The following STARD8 variants were observed in gnomAD, a reference collection of about 807,000 sequenced individuals.
The protein encoded by STARD8 is StAR related lipid transfer domain containing 8.
STARD8 carries 25 observed loss-of-function variants against 69.4 expected under a neutral mutation model. The observed-to-expected ratio is 0.36, with a 90% CI of 0.26 to 0.50. The LOEUF is 0.50. STARD8 is among the 20% of genes least tolerant of loss of function. The pLI, the probability that STARD8 is intolerant of heterozygous loss-of-function variation, is 0.96. For synonymous variants in STARD8, 389 were observed against 374.6 expected (o/e 1.04, Z -0.45); for missense variants, 921 against 932.5 (o/e 0.99, Z 0.16).
intron 2 of STARD8, among the ~76,000 whole-genome samples, chrX:68,690,144 C>T (rs758791479): frequency 4.5e-5 from 5 of 110,219 alleles, no homozygotes; most frequent in African/African-American, 1.7e-4. Context: ...TTGAGGCATG[C>T]GGGAATGTGC....
intron 7 of STARD8, among the ~76,000 whole-genome samples, chrX:68,719,698 A>G (rs779676893): frequency 8.9e-6 from 1 of 112,058 alleles, no homozygotes; most frequent in South Asian, 3.8e-4. Context: ...CATTGTCCAG[A>G]TTCCCTCCCA....
intron 1 of STARD8, among the ~76,000 whole-genome samples, chrX:68,654,715 G>T (rs1055362723): frequency 1.4e-4 from 16 of 110,753 alleles, no homozygotes; most frequent in African/African-American, 5.0e-4. Context: ...CACACCCCCT[G>T]TGCAGGCTCA....
At chrX:68,724,219 T>C (rs376305790) in intron 14 of STARD8, 86 bp from the exon 15 acceptor site, 4 of 1,168,771 alleles carry the variant, frequency 3.4e-6, no homozygotes, top group East Asian at 3.0e-5. Flanking sequence ...TCCCTGGGGC[T>C]GGGGACAAGT....
intron 2 of STARD8, among the ~76,000 whole-genome samples, chrX:68,687,866 C>T (rs1163578668): frequency 1.8e-5 from 2 of 112,361 alleles, no homozygotes; most frequent in African/African-American, 6.5e-5. Flanking sequence ...GACCTGGCTA[C>T]CCACCTGCCT....
At chrX:68,709,838 A>C (rs1279243397) in intron 2 of STARD8, among the ~76,000 whole-genome samples, 4 of 110,097 alleles carry the variant, frequency 3.6e-5, no homozygotes, top group Non-Finnish European at 7.6e-5. Flanking sequence ...GAAAAAAAAA[A>C]CCCATAAACA....
chrX:68,688,114 A>G lies in STARD8; in HGVS notation c.79+22582A>G, dbSNP rs746282700. Reference sequence around the variant, plus strand: ...CAGAACTCCTGCTTAGTAAGTGTGTATGTATGGAGGGGAAAGGGGGGAGCT... The same window carrying G: ...CAGAACTCCTGCTTAGTAAGTGTGTGTGTATGGAGGGGAAAGGGGGGAGCT... On this transcript the variant is annotated intron_variant, in intron 2 of 14. Transcript: ENST00000374599. Among the ~76,000 whole-genome samples the G allele has an allele frequency of 3.7e-3, 415 of 112,398 alleles. 3 individuals carry two copies. Among genetic ancestry groups the G allele is most frequent in the African/African-American group, 9.5e-3 (293 of 30,961 alleles).
chrX:68,697,384 C>T (rs908836328), intron 2 of STARD8, among the ~76,000 whole-genome samples: 7 of 111,979 alleles, frequency 6.3e-5, no homozygotes, highest in Admixed American at 2.8e-4. Flanking sequence ...AGATGTTAGC[C>T]GCCTCTAGGG....
intron 2 of STARD8, among the ~76,000 whole-genome samples, chrX:68,695,798 A>G (rs1365519229): frequency 8.9e-6 from 1 of 111,806 alleles, no homozygotes; most frequent in Non-Finnish European, 1.9e-5. Context: ...AAATTCCATT[A>G]TTGGGACTAC....
intron 2 of STARD8, among the ~76,000 whole-genome samples, chrX:68,684,637 G>C (rs1299175265): frequency 8.8e-6 from 1 of 113,087 alleles, no homozygotes; most frequent in Non-Finnish European, 1.9e-5. Context: ...GGTGGCAGCA[G>C]AAAGCTGGGC....
chrX:68,660,885 T>C (rs2079640095), intron 1 of STARD8, among the ~76,000 whole-genome samples: 1 of 111,985 alleles, frequency 8.9e-6, no homozygotes, highest in South Asian at 3.7e-4. Flanking sequence ...AGGATAGGCC[T>C]GGGGGCGGTG....
chrX:68,688,878 G>A (rs1411559525), intron 2 of STARD8, among the ~76,000 whole-genome samples: 71 of 106,376 alleles, frequency 6.7e-4, no homozygotes, highest in Non-Finnish European at 1.1e-3. Flanking sequence ...GTGCATGCTG[G>A]ACTTGCAGAT....
rs757658418 is a variant in STARD8 at position 68,721,559 on chromosome X, G to A, written c.2272G>A (p.Ala758Thr). The A allele has an allele frequency of 1.2e-5, 14 of 1,210,183 alleles. No individual in the cohort carries two copies. The African/African-American group carries it at 2.1e-4, about 18-fold the overall frequency. ...YQLLPKDQWL[A>T]AAQAATLLLP... ...AGTCCTCCCCAAGGATCAGTGGTTG[G>A]CAGCAGCACAAGCCGCCACCTTGCT... Residue 758 changes from alanine (A) to threonine (T), a missense_variant, in exon 10 of 15, where the codon GCA becomes ACA. By Grantham distance (58) the Ala-to-Thr change is moderately conservative. Transcript: ENST00000374599.
chrX:68,690,538 G>A lies in STARD8; in HGVS notation c.80-22376G>A, dbSNP rs747751519. 9.9e-5 allele frequency among the ~76,000 whole-genome samples: 11 copies of A among 111,402 alleles called. No homozygotes were observed. In the South Asian group the frequency reaches 2.3e-3, roughly 23 times the overall value. ...ATATGGAACTGCTCTTTGCCACAGC[G>A]TAGGAGAAAAGGGCTGATAGGTCCC... On this transcript the variant is annotated intron_variant, in intron 2 of 14. Transcript: ENST00000374599.
At chrX:68,714,451 G>A (rs373940149) in intron 3 of STARD8, among the ~76,000 whole-genome samples, 1 of 111,810 alleles carries the variant, frequency 8.9e-6, no homozygotes, top group Non-Finnish European at 1.9e-5. Flanking sequence ...GACTCAGCTC[G>A]GATGTCACTG....
At chrX:68,676,241 G>A (rs145285092) in intron 2 of STARD8, among the ~76,000 whole-genome samples, 3 of 111,802 alleles carry the variant, frequency 2.7e-5, no homozygotes, top group Admixed American at 1.9e-4. Flanking sequence ...CCTTCTGTAC[G>A]TGTCTGTGTC....
chrX:68,700,600 G>A, intron 2 of STARD8, among the ~76,000 whole-genome samples: 1 of 112,547 alleles, frequency 8.9e-6, no homozygotes, highest in Non-Finnish European at 1.9e-5. Flanking sequence ...TGTGAGATAG[G>A]CACCTGCAGC....
chrX:68,717,582 G>A lies in STARD8; in HGVS notation c.668G>A (p.Gly223Asp). 8.3e-7 allele frequency: 1 copy of A among 1,211,656 alleles called. No individual in the cohort carries two copies. The highest frequency in any genetic ancestry group is 1.1e-6 in the Non-Finnish European group (1 of 895,548). ...LESLRRKEKS[G>D]SQQAEPKHSP... ...TCTCTGAGGCGGAAGGAAAAGAGTG[G>A]CAGCCAGCAAGCAGAGCCCAAGCAT... is the stretch of plus-strand genomic sequence containing the variant. The change falls in exon 6 of 15, where the codon GGC becomes GAC. Residue 223 changes from glycine to aspartate, a missense_variant. Transcript: ENST00000374599.
At chrX:68,710,987 C>G (rs1210286266) in intron 2 of STARD8, among the ~76,000 whole-genome samples, 1 of 112,209 alleles carries the variant, frequency 8.9e-6, no homozygotes, top group Admixed American at 9.4e-5. Context: ...AACCATGTTC[C>G]TCACAGGCTC....
At chrX:68,719,136 A>G (rs2080124125) in intron 6 of STARD8, 89 bp from the exon 7 acceptor site, 1 of 1,004,238 alleles carries the variant, frequency 1.0e-6, no homozygotes, top group Non-Finnish European at 1.3e-6. Context: ...CTTTGGGGAG[A>G]AAAAAGGGGA....
Sources: gnomAD v4.1 joint callset for allele counts (sites outside exome capture counted in the v4.1 genomes callset) on GRCh38, gnomAD v4.1.1 for gene constraint, MANE v1.5 for transcripts, NCBI Gene and HGNC (gene_info 2026-07-23, HGNC 2026-07-21) for gene names.